AKAP8L: variants seen among roughly 807,000 people sequenced by gnomAD.
AKAP8L encodes the protein A-kinase anchor protein 8-like.
AKAP8L carries 34 observed loss-of-function variants against 77.5 expected under a neutral mutation model. The observed-to-expected ratio is 0.44, with a 90% confidence interval of 0.33 to 0.58. AKAP8L has a LOEUF of 0.58. Ranked by LOEUF, AKAP8L falls within the 20% of genes least tolerant of loss-of-function variation. The probability of loss-of-function intolerance (pLI) is 0.02; values close to 1 mark genes in which losing one functional copy is unlikely to be tolerated. For synonymous variants in AKAP8L, 342 were observed against 340.7 expected (o/e 1.00, Z -0.04); for missense variants, 806 against 887.6 (o/e 0.91, Z 1.17).
chr19:15,412,289 G>A (rs1184759744), intron 1 of AKAP8L, among the ~76,000 whole-genome samples: 1 of 152,240 alleles, frequency 6.6e-6, no homozygotes, highest in African/African-American at 2.4e-5. Flanking sequence ...GGGTGAGGCA[G>A]AAGAACTGCT....
chr19:15,394,967 T>G lies in AKAP8L; in HGVS notation c.1536+2183A>C, dbSNP rs1004096397. ...AGCTGCTATGGCTTGTTCTTTTTTT[T>G]TTTTTTAACTTCTTTTAGGATCAAG... On this transcript the variant is annotated intron_variant, in intron 12 of 13. Transcript: ENST00000397410. 1.5e-4 allele frequency among the ~76,000 whole-genome samples: 23 copies of G among 152,306 alleles called. No homozygotes were observed. The South Asian group carries it at 4.6e-3, about 30-fold the overall frequency.
In AKAP8L at chr19:15,401,675, C is replaced by A; in HGVS notation, c.363-72G>T. ...TCACCTCCAGGCAACTGCTCCTGCC[C>A]TCCCCAATCTCCCAGTCCAGCACCC... On this transcript the variant is annotated intron_variant, in intron 4 of 13. Coordinates refer to ENST00000397410, the MANE Select transcript of AKAP8L (RefSeq NM_014371.4). The surrounding 1 kb of genome is among the most constrained non-coding windows in gnomAD (Gnocchi z 6.2). The A allele has an allele frequency of 8.2e-7, 1 of 1,214,298 alleles. No homozygotes were observed. Among genetic ancestry groups the A allele is most frequent in the Admixed American group, 2.3e-5 (1 of 43,880 alleles). The allele number at this position is 1,214,298 out of a possible 1,614,324, so 75.2% of individuals were successfully genotyped here.
intron 12 of AKAP8L, among the ~76,000 whole-genome samples, chr19:15,389,921 G>A (rs1316185329): frequency 3.7e-5 from 2 of 54,474 alleles, no homozygotes; most frequent in Non-Finnish European, 7.0e-5. Flanking sequence ...CCCAATATTA[G>A]GTTAAAGCCG....
In AKAP8L at chr19:15,398,984, CA is replaced by C; in HGVS notation, c.1157+317del. On this transcript the variant is annotated intron_variant, in intron 9 of 13. Coordinates refer to ENST00000397410, the MANE Select transcript of AKAP8L (RefSeq NM_014371.4). The surrounding 1 kb of genome is among the most constrained non-coding windows in gnomAD (Gnocchi z 9.2). ...TCTCTGATGAGCTGGCCCCCTCCCTCAGGGGCATCAGGCCCCCAGTGCACCT... is the reference window on the plus strand; with the variant it reads ...TCTCTGATGAGCTGGCCCCCTCCCTCGGGGCATCAGGCCCCCAGTGCACCT... 2.5e-6 allele frequency: 1 copy of C among 396,964 alleles called. No individual in the cohort carries two copies. The highest frequency in any genetic ancestry group is 4.6e-6 in the Non-Finnish European group (1 of 218,878). The allele number at this position is 396,964 out of a possible 1,614,324, so 24.6% of individuals were successfully genotyped here. A position where few individuals can be genotyped will look rare whatever the true frequency, so the allele number is the denominator to read the frequency against.
chr19:15,412,833 C>A (rs1030102862), intron 1 of AKAP8L, among the ~76,000 whole-genome samples: 1 of 152,208 alleles, frequency 6.6e-6, no homozygotes, highest in Admixed American at 6.5e-5. Context: ...TGAGCCACTG[C>A]GCCCGGCCAG....
At chr19:15,416,283 C>T (rs1273741043) in intron 1 of AKAP8L, among the ~76,000 whole-genome samples, 12 of 152,184 alleles carry the variant, frequency 7.9e-5, no homozygotes, top group Admixed American at 7.9e-4. Context: ...TGCCTCTTAA[C>T]GTTATGTAGA....
rs777441915 is a variant in AKAP8L at position 15,397,496 on chromosome 19, G to C, written c.1405+24C>G. On this transcript the variant is annotated intron_variant, in intron 11 of 13. Transcript: ENST00000397410. The surrounding 1 kb of genome is among the most constrained non-coding windows in gnomAD (Gnocchi z 4.7). Reference sequence around the variant, plus strand: ...GTGCAGGCTGAGGCCTTGCCTGGTGGGAGTGGGCTGAAAATCTCCTCACCC... The same window carrying C: ...GTGCAGGCTGAGGCCTTGCCTGGTGCGAGTGGGCTGAAAATCTCCTCACCC... 5.6e-6 allele frequency: 9 copies of C among 1,594,742 alleles called. No homozygotes were observed. Among genetic ancestry groups the C allele is most frequent in the South Asian group, 3.3e-5 (3 of 90,456 alleles).
intron 12 of AKAP8L, among the ~76,000 whole-genome samples, chr19:15,388,647 G>A (rs904017457): frequency 1.3e-4 from 20 of 152,222 alleles, no homozygotes; most frequent in Non-Finnish European, 2.2e-4. Context: ...CGGGTGCGGT[G>A]GCTCACGCCT....
chr19:15,389,477 A>C (rs1001300123), intron 12 of AKAP8L, among the ~76,000 whole-genome samples: 6 of 152,090 alleles, frequency 3.9e-5, no homozygotes, highest in African/African-American at 1.4e-4. Flanking sequence ...TAATCTATAC[A>C]TCAAAGCAGC....
rs919179801 is a variant in AKAP8L at position 15,397,755 on chromosome 19, C to T, written c.1258G>A (p.Val420Ile). The T allele has an allele frequency of 6.8e-6, 11 of 1,613,888 alleles. No homozygotes were observed. The highest frequency in any genetic ancestry group is 3.3e-4 in the Middle Eastern group (2 of 6,080). Residue 420 changes from valine to isoleucine, a missense_variant, in exon 10 of 14, where the codon GTA becomes ATA. This residue lies in a region of AKAP8L where 580 missense variants were observed against 694.1 expected (regional missense o/e 0.84). Coordinates refer to ENST00000397410, the MANE Select transcript of AKAP8L (RefSeq NM_014371.4). The surrounding 1 kb of genome is among the most constrained non-coding windows in gnomAD (Gnocchi z 4.7). ...GTCTGCTTAGGGAGCTTGGTGCCTA[C>T]GTACTTAAAGTGTTCCTTGTGGAAC... ...SKFHKEHFKY[V>I]GTKLPKQTAD...
At chr19:15,410,724 T>G in intron 1 of AKAP8L, 130 bp from the exon 2 acceptor site, 3 of 667,480 alleles carry the variant, frequency 4.5e-6, no homozygotes, top group Non-Finnish European at 5.3e-6. Flanking sequence ...AACCTCTAGA[T>G]TCCACAGTTT....
At chr19:15,386,086 A>G (rs557333913) in intron 12 of AKAP8L, among the ~76,000 whole-genome samples, 12 of 151,430 alleles carry the variant, frequency 7.9e-5, no homozygotes, top group African/African-American at 2.7e-4. Context: ...AATTTTTTGT[A>G]TTTTTAGTAG....
At chr19:15,395,269 T>C (rs141062508) in intron 12 of AKAP8L, among the ~76,000 whole-genome samples, 1 of 152,188 alleles carries the variant, frequency 6.6e-6, no homozygotes, top group Non-Finnish European at 1.5e-5. Context: ...CCTGACCTCG[T>C]GATCCGCCCA....
intron 12 of AKAP8L, among the ~76,000 whole-genome samples, chr19:15,382,450 AT>A (rs1205373366): frequency 3.9e-5 from 6 of 151,978 alleles, no homozygotes; most frequent in African/African-American, 1.5e-4. Flanking sequence ...ACCTCCACCC[AT>A]CTCGGCTTCC....
At chr19:15,417,402 G>A (rs1879992430) in intron 1 of AKAP8L, among the ~76,000 whole-genome samples, 1 of 152,166 alleles carries the variant, frequency 6.6e-6, no homozygotes, top group Non-Finnish European at 1.5e-5. Context: ...CACTACTGAT[G>A]TTTGACGCCA....
chr19:15,409,925 T>C (rs961519374), intron 2 of AKAP8L, among the ~76,000 whole-genome samples: 1 of 151,926 alleles, frequency 6.6e-6, no homozygotes, highest in Non-Finnish European at 1.5e-5. Context: ...AATAGCTTGC[T>C]TTCTCCTGGA....
At chr19:15,400,628 C>T in intron 7 of AKAP8L, 166 bp downstream of exon 7, 1 of 889,750 alleles carries the variant, frequency 1.1e-6, no homozygotes, top group Non-Finnish European at 1.7e-6. Flanking sequence ...AACTGTGCCT[C>T]CAGCTAGGCA....
At chr19:15,400,597 C>T (rs1967872863) in intron 7 of AKAP8L, 197 bp downstream of exon 7, 4 of 750,614 alleles carry the variant, frequency 5.3e-6, no homozygotes, top group Non-Finnish European at 8.7e-6. Context: ...CACAGGGGCT[C>T]ATCCCATTTT....
At chr19:15,417,475 T>C (rs566918485) in intron 1 of AKAP8L, among the ~76,000 whole-genome samples, 1 of 152,132 alleles carries the variant, frequency 6.6e-6, no homozygotes, top group East Asian at 1.9e-4. Flanking sequence ...CAAACCTCCA[T>C]CCACTAGATA....
Sources: allele counts gnomAD v4.1 joint callset (sites outside exome capture counted in the v4.1 genomes callset), GRCh38; gene constraint gnomAD v4.1.1; regional missense constraint gnomAD v4.1.1; non-coding constraint Gnocchi (gnomAD v3.1); transcripts MANE v1.5; gene names NCBI Gene and HGNC (gene_info 2026-07-23, HGNC 2026-07-21).